Variants in FRMD5 observed in about 807,000 individuals in gnomAD.
The protein encoded by FRMD5 is FERM domain containing 5.
A neutral mutation model predicts 69.0 loss-of-function variants in FRMD5; 20 were observed. The ratio of observed to expected loss-of-function variants is 0.29; its 90% CI spans 0.20 to 0.42. The LOEUF (loss-of-function observed/expected upper bound fraction) is 0.42, where lower values mean the gene tolerates loss of function less well. Ranked by LOEUF, FRMD5 falls within the 10% of genes least tolerant of loss-of-function variation. The pLI is 1.00. For missense variants in FRMD5, 595 were observed against 708.6 expected, an observed-to-expected ratio of 0.84 and a Z score of 1.82; for synonymous variants, 271 against 260.1, an observed-to-expected ratio of 1.04 and a Z score of -0.40.
intron 1 of FRMD5, among the ~76,000 whole-genome samples, chr15:44,150,947 C>G (rs1257312534): frequency 6.6e-6 from 1 of 152,010 alleles, no homozygotes; most frequent in African/African-American, 2.4e-5. Flanking sequence ...CAAAAATTAG[C>G]CAAGCGTGGT....
At chr15:44,081,106 C>T (rs1893978900) in intron 1 of FRMD5, among the ~76,000 whole-genome samples, 1 of 152,050 alleles carries the variant, frequency 6.6e-6, no homozygotes, top group African/African-American at 2.4e-5. Flanking sequence ...AGGAAGGCTC[C>T]TTATGCAGGA....
At chr15:44,001,305 C>T (rs1187108546) in intron 1 of FRMD5, among the ~76,000 whole-genome samples, 3 of 152,106 alleles carry the variant, frequency 2.0e-5, no homozygotes, top group Admixed American at 1.3e-4. Flanking sequence ...TGGATTTAAT[C>T]CCTTATCAGA....
chr15:44,157,044 TTC>T (rs1198002262), intron 1 of FRMD5, among the ~76,000 whole-genome samples: 1 of 152,160 alleles, frequency 6.6e-6, no homozygotes, highest in African/African-American at 2.4e-5. Flanking sequence ...ACTACATCCT[TTC>T]TCTCTGTCAT....
intron 1 of FRMD5, among the ~76,000 whole-genome samples, chr15:44,034,392 G>GTAA: frequency 6.6e-6 from 1 of 152,340 alleles, no homozygotes; most frequent in Non-Finnish European, 1.5e-5. Context: ...CCCTGACCAA[G>GTAA]TAATACCCAT....
chr15:44,042,729 C>G (rs867542658), intron 1 of FRMD5, among the ~76,000 whole-genome samples: 10 of 152,146 alleles, frequency 6.6e-5, no homozygotes, highest in African/African-American at 2.4e-4. Flanking sequence ...AATTCAACAG[C>G]CTTCATGCTA....
intron 1 of FRMD5, among the ~76,000 whole-genome samples, chr15:44,170,782 T>A (rs1367149254): frequency 6.6e-6 from 1 of 152,168 alleles, no homozygotes; most frequent in Non-Finnish European, 1.5e-5. Context: ...AGGCGTTACC[T>A]TACCCAGTTG....
intron 12 of FRMD5, among the ~76,000 whole-genome samples, 190 bp downstream of exon 12, chr15:43,884,533 TCCTC>T (rs1307977702): frequency 6.6e-6 from 1 of 152,134 alleles, no homozygotes; most frequent in Non-Finnish European, 1.5e-5. Flanking sequence ...CAGTAGCCCT[TCCTC>T]CCTCCCCAGC....
intron 1 of FRMD5, among the ~76,000 whole-genome samples, chr15:43,970,359 T>C (rs912281747): frequency 2.0e-4 from 31 of 152,250 alleles, no homozygotes; most frequent in African/African-American, 6.0e-4. Context: ...GCTTAGAAGT[T>C]GAAAGCACTG....
chr15:43,900,302 G>A (rs1035793615), intron 7 of FRMD5, among the ~76,000 whole-genome samples: 1 of 152,196 alleles, frequency 6.6e-6, no homozygotes, highest in African/African-American at 2.4e-5. Flanking sequence ...ATTTATGGAG[G>A]GGTTTAAACT....
intron 1 of FRMD5, among the ~76,000 whole-genome samples, chr15:43,934,981 G>A (rs1188107979): frequency 6.6e-6 from 1 of 152,246 alleles, no homozygotes; most frequent in Non-Finnish European, 1.5e-5. Context: ...GGAACTGACA[G>A]AGATGGAAAG....
intron 1 of FRMD5, among the ~76,000 whole-genome samples, chr15:44,017,121 G>C (rs565701545): frequency 6.6e-6 from 1 of 152,060 alleles, no homozygotes; most frequent in East Asian, 2.0e-4. Context: ...GGCAGATCAC[G>C]AGGTCAGGAG....
intron 1 of FRMD5, among the ~76,000 whole-genome samples, chr15:43,973,309 A>C (rs1486812023): frequency 6.6e-6 from 1 of 150,672 alleles, no homozygotes; most frequent in East Asian, 2.0e-4. Flanking sequence ...GGCGTGAGCC[A>C]CCGCACCTGG....
At chr15:44,036,117 G>C (rs1483674087) in intron 1 of FRMD5, among the ~76,000 whole-genome samples, 1 of 152,134 alleles carries the variant, frequency 6.6e-6, no homozygotes, top group East Asian at 1.9e-4. Context: ...AATATGTACT[G>C]AGAGGGCACT....
chr15:43,968,852 C>T (rs2090334053), intron 1 of FRMD5, among the ~76,000 whole-genome samples: 1 of 152,038 alleles, frequency 6.6e-6, no homozygotes, highest in African/African-American at 2.4e-5. Flanking sequence ...GAAAAAAATA[C>T]CTAGAATTTT....
intron 1 of FRMD5, among the ~76,000 whole-genome samples, chr15:43,994,980 CT>C (rs1489504200): frequency 6.6e-6 from 1 of 152,182 alleles, no homozygotes; most frequent in Non-Finnish European, 1.5e-5. Context: ...GCCTTTCTCT[CT>C]CCTTCATTTC....
chr15:43,966,303 C>T (rs887653728), intron 1 of FRMD5, among the ~76,000 whole-genome samples: 12 of 151,866 alleles, frequency 7.9e-5, no homozygotes, highest in East Asian at 3.9e-4. Context: ...ACCCAGGAGG[C>T]GAAGGTTGCA....
At chr15:43,954,195 C>A (rs1325743390) in intron 1 of FRMD5, among the ~76,000 whole-genome samples, 2 of 152,182 alleles carry the variant, frequency 1.3e-5, no homozygotes, top group African/African-American at 4.8e-5. Context: ...CTCACGCTTT[C>A]CCTGGGGGCT....
At chr15:44,169,335 G>A (rs1042090849) in intron 1 of FRMD5, among the ~76,000 whole-genome samples, 1 of 151,752 alleles carries the variant, frequency 6.6e-6, no homozygotes, top group African/African-American at 2.4e-5. Context: ...CTTACATGAA[G>A]GTGACCTTTA....
At chr15:43,941,041 G>C (rs1050139554) in intron 1 of FRMD5, among the ~76,000 whole-genome samples, 1 of 152,168 alleles carries the variant, frequency 6.6e-6, no homozygotes, top group Non-Finnish European at 1.5e-5. Context: ...TCTTCTTGTA[G>C]GTACCAAGGT....
Sources: allele counts gnomAD v4.1 joint callset (sites outside exome capture counted in the v4.1 genomes callset), GRCh38; gene constraint gnomAD v4.1.1; transcripts MANE v1.5; gene names NCBI Gene and HGNC (gene_info 2026-07-23, HGNC 2026-07-21).